APOH: variants seen among roughly 807,000 people sequenced by gnomAD.
The protein encoded by APOH is beta-2-glycoprotein 1.
In APOH, 48 loss-of-function variants were observed where a neutral mutation model predicts 39.8. The ratio of observed to expected loss-of-function variants is 1.21; its 90% CI spans 0.96 to 1.54. The LOEUF is 1.54. APOH is among the 40% of genes most tolerant of loss of function. The pLI is 0.00. For synonymous variants in APOH, 153 were observed against 151.1 expected, an observed-to-expected ratio of 1.01 and a Z score of -0.09; for missense variants, 415 against 421.2, an observed-to-expected ratio of 0.99 and a Z score of 0.13.
intron 4 of APOH, among the ~76,000 whole-genome samples, chr17:66,221,942 G>A (rs1009346717): frequency 1.3e-5 from 2 of 152,204 alleles, no homozygotes; most frequent in African/African-American, 2.4e-5. Context: ...TGTTGGAAAT[G>A]CAGAAGCTCA....
chr17:66,219,764 C>A (rs896847557), intron 5 of APOH, among the ~76,000 whole-genome samples: 8 of 152,056 alleles, frequency 5.3e-5, no homozygotes, highest in Non-Finnish European at 1.2e-4. Flanking sequence ...ACTAAAAATA[C>A]AAAAATTAGC....
rs747508191 is a variant in APOH at position 66,216,984 on chromosome 17, A to G, written c.605-17T>C. 70 of 1,565,452 alleles carry G rather than the reference A, an allele frequency of 4.5e-5. 2 individuals carry two copies. In the South Asian group the frequency reaches 8.3e-4, roughly 18 times the overall value. On this transcript the variant is annotated splice_polypyrimidine_tract_variant and intron_variant, in intron 5 of 7. Coordinates refer to ENST00000205948, the MANE Select transcript of APOH (RefSeq NM_000042.3). ...ATTTTACTTCTAAAACATTTATTCA[A>G]TAAGACATATTAGTAATAAATAGTG...
chr17:66,213,896 A>C (rs4791078), intron 7 of APOH, among the ~76,000 whole-genome samples: 102,215 of 151,678 alleles, frequency 0.67, 35,315 homozygotes, highest in East Asian at 0.92. Flanking sequence ...TGTGATCGCA[A>C]CACTGCACTT....
chr17:66,222,293 A>G (rs1346220743), intron 4 of APOH, among the ~76,000 whole-genome samples: 1 of 152,068 alleles, frequency 6.6e-6, no homozygotes, highest in Non-Finnish European at 1.5e-5. Flanking sequence ...GGAGACTGAG[A>G]GGATCACTTG....
intron 4 of APOH, among the ~76,000 whole-genome samples, chr17:66,221,546 A>G (rs920236309): frequency 6.6e-6 from 1 of 152,172 alleles, no homozygotes; most frequent in Non-Finnish European, 1.5e-5. Context: ...TCTTTTATTC[A>G]TATACTACCT....
At chr17:66,228,926 A>G (rs1309715906) in intron 1 of APOH, among the ~76,000 whole-genome samples, 1 of 151,714 alleles carries the variant, frequency 6.6e-6, no homozygotes, top group Non-Finnish European at 1.5e-5. Context: ...TCTGCCTCCC[A>G]GGTTCAAGCA....
chr17:66,228,119 TA>T lies in APOH; in HGVS notation c.141del (p.Thr48ArgfsTer14). ...LKTFYEPGEE[I>X]TYSCKPGYVS... The stretch of plus-strand genomic sequence containing the variant: ...ACATAGCCCGGCTTGCAGGAATACG[TA>T]ATCTCTTCTCCTGGCTCATAGAATG... On this transcript the variant is annotated frameshift_variant, in exon 2 of 8. Transcript: ENST00000205948. LOFTEE classifies it high-confidence loss of function. The T allele has an allele frequency of 6.2e-7, 1 of 1,614,196 alleles. No homozygotes were observed. The highest frequency in any genetic ancestry group is 1.3e-5 in the African/African-American group (1 of 75,056).
intron 4 of APOH, among the ~76,000 whole-genome samples, chr17:66,222,695 C>T (rs932196944): frequency 2.6e-5 from 4 of 151,706 alleles, no homozygotes; most frequent in Non-Finnish European, 4.4e-5. Context: ...CCTCAGCCTC[C>T]CAATTGGCTG....
intron 5 of APOH, among the ~76,000 whole-genome samples, chr17:66,219,609 G>T (rs1264411203): frequency 1.3e-5 from 2 of 152,164 alleles, no homozygotes; most frequent in East Asian, 3.9e-4. Context: ...TACCACTGGA[G>T]AAGTTAATAG....
chr17:66,224,763 G>T (rs2073429054), intron 3 of APOH, among the ~76,000 whole-genome samples: 1 of 149,470 alleles, frequency 6.7e-6, no homozygotes, highest in Non-Finnish European at 1.5e-5. Context: ...GAAAGGAAAG[G>T]AAAGGAAAGG....
intron 3 of APOH, among the ~76,000 whole-genome samples, chr17:66,224,033 G>A (rs1014787711): frequency 4.7e-4 from 72 of 152,122 alleles, no homozygotes; most frequent in African/African-American, 1.6e-3. Flanking sequence ...TAAAGAGTTG[G>A]CCAAGATGAC....
chr17:66,212,264 C>A, intron 7 of APOH, 76 bp from the exon 8 acceptor site: 2 of 1,280,356 alleles, frequency 1.6e-6, no homozygotes, highest in Non-Finnish European at 2.3e-6. Context: ...TAAGCCAAAC[C>A]AAATACATTT....
At chr17:66,220,863 G>T in intron 4 of APOH, 121 bp from the exon 5 acceptor site, 1 of 1,072,178 alleles carries the variant, frequency 9.3e-7, no homozygotes. Flanking sequence ...GATCAAATTA[G>T]CAGGGTAAAA....
At chr17:66,221,299 AGGGAGGGAG>A (rs2073398856) in intron 4 of APOH, among the ~76,000 whole-genome samples, 12 of 130,066 alleles carry the variant, frequency 9.2e-5, no homozygotes, top group African/African-American at 3.2e-4. Context: ...GGAAGTCAGA[AGGGAGGGAG>A]GGAGGGAAGA....
At chr17:66,223,923 T>A in intron 3 of APOH, 149 bp from the exon 4 acceptor site, 1 of 680,734 alleles carries the variant, frequency 1.5e-6, no homozygotes, top group Non-Finnish European at 2.5e-6. Context: ...TTAGTACTCA[T>A]CTATGGCTCA....
At chr17:66,226,000 A>T in intron 3 of APOH, 28 bp downstream of exon 3, 1 of 1,512,590 alleles carries the variant, frequency 6.6e-7, no homozygotes, top group Non-Finnish European at 9.2e-7. Context: ...TCAGTCTGTT[A>T]ACTGCTTAGT....
At position 66,224,675 on chromosome 17, in the gene APOH, AG is replaced by A. The variant is rs2073426099; in HGVS notation, c.339-902del. ...AGGGAAGGGAAGGGAAGGGAAGGGA[AG>A]GGAAGGGAAGGGAAGGGAAAGGAAA... On this transcript the variant is annotated intron_variant, in intron 3 of 7. Coordinates refer to ENST00000205948, the MANE Select transcript of APOH (RefSeq NM_000042.3). 1.9e-4 allele frequency among the ~76,000 whole-genome samples: 9 copies of A among 47,594 alleles called. 1 individual carries two copies. Among genetic ancestry groups the A allele is most frequent in the African/African-American group, 9.7e-4 (9 of 9,260 alleles). The allele number at this position is 47,594 out of a possible 152,430, so 31.2% of individuals were successfully genotyped here. A position where few individuals can be genotyped will look rare whatever the true frequency, so the allele number is the denominator to read the frequency against.
At chr17:66,223,587 A>T in intron 4 of APOH, 111 bp downstream of exon 4, 1 of 893,352 alleles carries the variant, frequency 1.1e-6, no homozygotes, top group Non-Finnish European at 1.8e-6. Flanking sequence ...CACAAGGGTG[A>T]CCATTCATCT....
In APOH at chr17:66,216,777, T is replaced by C; in HGVS notation, c.784+11A>G. 3.8e-6 allele frequency: 6 copies of C among 1,567,826 alleles called. No homozygotes were observed. Among genetic ancestry groups the C allele is most frequent in the Non-Finnish European group, 5.2e-6 (6 of 1,159,044 alleles). The stretch of plus-strand genomic sequence containing the variant: ...CAGAGATCTTACAGGACCTCGCCTA[T>C]ATTTCCATACCTTTACAACTTGGCA... On this transcript the variant is annotated intron_variant, in intron 6 of 7. Transcript: ENST00000205948.
Sources: allele counts gnomAD v4.1 joint callset (sites outside exome capture counted in the v4.1 genomes callset), GRCh38; gene constraint gnomAD v4.1.1; transcripts MANE v1.5; gene names NCBI Gene and HGNC (gene_info 2026-07-23, HGNC 2026-07-21).